TBXAS1: variants seen among roughly 807,000 people sequenced by gnomAD.
TBXAS1 encodes thromboxane-A synthase.
Under a neutral mutation model 60.7 loss-of-function variants are expected in TBXAS1, and 48 were observed. The ratio of observed to expected loss-of-function variants is 0.79; its 90% CI spans 0.63 to 1.01. The LOEUF (loss-of-function observed/expected upper bound fraction) is 1.01, where lower values mean the gene tolerates loss of function less well. Among genes scored for constraint, TBXAS1 ranks in the 50% least tolerant of loss-of-function variants. The pLI, the probability that TBXAS1 is intolerant of heterozygous loss-of-function variation, is 0.00. For missense variants in TBXAS1, 685 were observed against 686.3 expected (o/e 1.00, Z 0.02); for synonymous variants, 287 against 269.7 (o/e 1.06, Z -0.63).
At chr7:139,874,211 A>G (rs1444724977) in intron 2 of TBXAS1, among the ~76,000 whole-genome samples, 1 of 152,220 alleles carries the variant, frequency 6.6e-6, no homozygotes, top group Non-Finnish European at 1.5e-5. Context: ...GCCCCTTGAA[A>G]CAAGTGTGAA....
chr7:139,914,376 T>A (rs1275263185), intron 4 of TBXAS1, among the ~76,000 whole-genome samples: 1 of 151,954 alleles, frequency 6.6e-6, no homozygotes, highest in East Asian at 1.9e-4. Flanking sequence ...CAGCTCTTTT[T>A]AAAAATATCC....
upstream of TBXAS1, among the ~76,000 whole-genome samples, chr7:139,827,161 G>C (rs956252425): frequency 6.6e-6 from 1 of 152,264 alleles, no homozygotes; most frequent in Admixed American, 6.5e-5. Context: ...TGCCCTCCCT[G>C]TCTTTTCTCT....
At chr7:139,848,785 G>C (rs1319037134) in intron 1 of TBXAS1, among the ~76,000 whole-genome samples, 1 of 152,174 alleles carries the variant, frequency 6.6e-6, no homozygotes, top group African/African-American at 2.4e-5. Context: ...GGGCAGGGAA[G>C]AAGACTCTGT....
intron 10 of TBXAS1, among the ~76,000 whole-genome samples, chr7:140,011,055 T>C (rs938287309): frequency 6.7e-6 from 1 of 150,086 alleles, no homozygotes; most frequent in African/African-American, 2.5e-5. Flanking sequence ...GGAGGGAAGA[T>C]CACTTGAGTT....
intron 3 of TBXAS1, chr7:139,906,110 C>A: frequency 2.5e-6 from 1 of 400,832 alleles, no homozygotes; most frequent in Non-Finnish European, 4.9e-6. Flanking sequence ...GTCTGTAGTG[C>A]AGTGGCTTGA....
intron 1 of TBXAS1, among the ~76,000 whole-genome samples, chr7:139,849,223 A>G (rs1379121512): frequency 2.6e-5 from 4 of 152,052 alleles, no homozygotes; most frequent in Non-Finnish European, 5.9e-5. Context: ...TACAGAAAAT[A>G]CAACAATTAG....
chr7:140,015,221 G>A (rs1421242892), intron 10 of TBXAS1, among the ~76,000 whole-genome samples: 2 of 152,130 alleles, frequency 1.3e-5, no homozygotes, highest in African/African-American at 4.8e-5. Context: ...CCATCCACAG[G>A]AGGGAGGGGA....
At chr7:139,816,010 T>C (rs546861655) in intron 4 of TBXAS1, among the ~76,000 whole-genome samples, 3 of 152,168 alleles carry the variant, frequency 2.0e-5, no homozygotes, top group Admixed American at 2.0e-4. Context: ...AGGGATCTGG[T>C]GGGAGGTGAT....
intron 4 of TBXAS1, among the ~76,000 whole-genome samples, chr7:139,817,768 T>C (rs531058627): frequency 1.3e-4 from 20 of 152,220 alleles, no homozygotes; most frequent in Non-Finnish European, 2.5e-4. Flanking sequence ...ATATCCTTCT[T>C]AGAAAATCTA....
intron 4 of TBXAS1, among the ~76,000 whole-genome samples, chr7:139,818,861 C>A (rs938687531): frequency 6.7e-6 from 1 of 149,624 alleles, no homozygotes; most frequent in Non-Finnish European, 1.5e-5. Context: ...GTAGAGCAGA[C>A]CCCTGGTAGC....
chr7:139,870,798 G>T (rs546852244), intron 1 of TBXAS1, among the ~76,000 whole-genome samples: 1 of 152,148 alleles, frequency 6.6e-6, no homozygotes, highest in East Asian at 1.9e-4. Context: ...TTTAAAAATC[G>T]ACTCATTTGG....
At position 139,951,852 on chromosome 7, in the gene TBXAS1, A is replaced by AAAG. The variant is rs773857569; in HGVS notation, c.451-1515_451-1514insAGA. 1.0e-3 allele frequency among the ~76,000 whole-genome samples: 12 copies of AAAG among 11,854 alleles called. 2 individuals carry two copies. The East Asian group carries it at 0.024, about 24-fold the overall frequency. 7.8% of individuals were successfully genotyped at this position (11,854 alleles called of 152,430 possible). ...AGAGGAAAGAAAGAAAGAAGGAAGG[A>AAAG]AGGAAGGAAAGAAGGAAGGAAGGAA... On this transcript the variant is annotated intron_variant, in intron 5 of 12. Coordinates refer to ENST00000448866, the MANE Select transcript of TBXAS1 (RefSeq NM_001061.7).
At chr7:139,826,302 G>A (rs1798436617), upstream of TBXAS1, among the ~76,000 whole-genome samples, 1 of 152,212 alleles carries the variant, frequency 6.6e-6, no homozygotes, top group African/African-American at 2.4e-5. Flanking sequence ...TGAAAAAGGA[G>A]AGGGGTGGGG....
At chr7:139,846,165 G>A (rs1188869766) in intron 1 of TBXAS1, among the ~76,000 whole-genome samples, 5 of 152,176 alleles carry the variant, frequency 3.3e-5, no homozygotes, top group African/African-American at 1.2e-4. Context: ...ATTGTGCAAA[G>A]GTGACAGCTC....
intron 3 of TBXAS1, among the ~76,000 whole-genome samples, chr7:139,787,091 C>T (rs1433964765): frequency 6.6e-6 from 1 of 152,208 alleles, no homozygotes; most frequent in Non-Finnish European, 1.5e-5. Flanking sequence ...TGTGTTTTAT[C>T]ACAGTCTGTG....
In TBXAS1 at chr7:139,962,128, T is replaced by C. The variant is rs763158770; in HGVS notation, c.1029T>C (p.Tyr343=). The change falls in exon 9 of 13, where the codon TAT becomes TAC. Residue 343 remains tyrosine (Y), a synonymous_variant. Coordinates refer to ENST00000448866, the MANE Select transcript of TBXAS1 (RefSeq NM_001061.7). ...GQAFIFLIAG[Y]EIITNTLSFA... ...CCTTCATCTTCCTCATCGCTGGCTA[T>C]GAAATCATCACCAACACACTTTCTT... 3.1e-6 allele frequency: 5 copies of C among 1,614,214 alleles called. No homozygotes were observed. The South Asian group carries it at 3.3e-5, about 11-fold the overall frequency.
At chr7:139,978,095 C>G (rs905015836) in intron 9 of TBXAS1, among the ~76,000 whole-genome samples, 2 of 152,084 alleles carry the variant, frequency 1.3e-5, no homozygotes, top group African/African-American at 4.8e-5. Flanking sequence ...TCTGTGGGGT[C>G]TATGTTGGCT....
chr7:139,831,979 A>G (rs1443135825), intron 1 of TBXAS1, among the ~76,000 whole-genome samples: 1 of 152,182 alleles, frequency 6.6e-6, no homozygotes, highest in Non-Finnish European at 1.5e-5. Context: ...GATGGAGGGA[A>G]TCATGGTGGA....
chr7:139,951,764 CTCTG>C (rs1219060817), intron 5 of TBXAS1, among the ~76,000 whole-genome samples: 2 of 133,808 alleles, frequency 1.5e-5, no homozygotes, highest in Non-Finnish European at 3.1e-5. Context: ...CAAAGCAAGA[CTCTG>C]TCTAAAAAAA....
Sources: allele counts gnomAD v4.1 joint callset (sites outside exome capture counted in the v4.1 genomes callset), GRCh38; gene constraint gnomAD v4.1.1; transcripts MANE v1.5; gene names NCBI Gene and HGNC (gene_info 2026-07-23, HGNC 2026-07-21).